CDC42SE2: variants seen among roughly 807,000 people sequenced by gnomAD.
The protein encoded by CDC42SE2 is CDC42 small effector protein 2.
CDC42SE2 carries 3 observed loss-of-function variants against 11.5 expected under a neutral mutation model. That is an observed-to-expected ratio of 0.26 (90% CI 0.12 to 0.67). CDC42SE2 has a LOEUF of 0.67. Ranked by LOEUF, CDC42SE2 falls within the 30% of genes least tolerant of loss-of-function variation. The pLI is 0.80. For synonymous variants in CDC42SE2, 33 were observed against 34.8 expected (o/e 0.95, Z 0.18); for missense variants, 82 against 106.8 (o/e 0.77, Z 1.02).
intron 3 of CDC42SE2, among the ~76,000 whole-genome samples, chr5:131,371,368 T>C (rs769253235): frequency 3.9e-5 from 6 of 152,242 alleles, no homozygotes; most frequent in Non-Finnish European, 5.9e-5. Flanking sequence ...TGATCTCTTA[T>C]CACCTTTGCA....
chr5:131,350,607 T>TGTG (rs1758982530), intron 2 of CDC42SE2, among the ~76,000 whole-genome samples: 2 of 141,694 alleles, frequency 1.4e-5, no homozygotes, highest in African/African-American at 5.5e-5. Context: ...AAAATTTATT[T>TGTG]TGTGTGTGTG....
chr5:131,351,432 T>G (rs1210563277), intron 2 of CDC42SE2, among the ~76,000 whole-genome samples: 1 of 152,132 alleles, frequency 6.6e-6, no homozygotes, highest in Non-Finnish European at 1.5e-5. Flanking sequence ...TTTTTTGTAT[T>G]TTTAGCAGAG....
chr5:131,282,680 G>C (rs951640596), intron 1 of CDC42SE2, among the ~76,000 whole-genome samples: 6 of 152,092 alleles, frequency 3.9e-5, no homozygotes, highest in Admixed American at 3.9e-4. Flanking sequence ...CTAGGCTGGA[G>C]TGCAGTGGCG....
At chr5:131,372,253 T>C (rs1750031451) in intron 3 of CDC42SE2, among the ~76,000 whole-genome samples, 11 of 152,228 alleles carry the variant, frequency 7.2e-5, no homozygotes, top group Admixed American at 7.2e-4. Context: ...AATGCCATTT[T>C]TTTGGCCTAC....
At chr5:131,291,135 G>A (rs1289765630) in intron 1 of CDC42SE2, among the ~76,000 whole-genome samples, 2 of 152,092 alleles carry the variant, frequency 1.3e-5, no homozygotes, top group African/African-American at 4.8e-5. Context: ...ATTTCTTAAT[G>A]CTATTTGGTT....
intron 1 of CDC42SE2, among the ~76,000 whole-genome samples, chr5:131,303,057 C>T (rs994229972): frequency 3.3e-5 from 5 of 152,132 alleles, no homozygotes; most frequent in Non-Finnish European, 5.9e-5. Context: ...CATTATTGCC[C>T]AGATGACTTT....
chr5:131,269,070 T>C (rs770357492), intron 1 of CDC42SE2, among the ~76,000 whole-genome samples: 4 of 152,080 alleles, frequency 2.6e-5, no homozygotes, highest in Non-Finnish European at 4.4e-5. Context: ...TTTTAAATTA[T>C]TAGTTTTATG....
At chr5:131,345,365 T>G (rs991514132) in intron 2 of CDC42SE2, among the ~76,000 whole-genome samples, 6 of 152,078 alleles carry the variant, frequency 3.9e-5, no homozygotes, top group Non-Finnish European at 8.8e-5. Context: ...ATGCACAAGC[T>G]TCAGTAGCTG....
At chr5:131,249,897 A>G (rs1756626774) in intron 1 of CDC42SE2, among the ~76,000 whole-genome samples, 1 of 152,160 alleles carries the variant, frequency 6.6e-6, no homozygotes, top group South Asian at 2.1e-4. Context: ...AAAAAAGAGC[A>G]TAGGGAGATA....
chr5:131,337,442 C>T (rs1758599736), intron 2 of CDC42SE2, among the ~76,000 whole-genome samples: 1 of 152,176 alleles, frequency 6.6e-6, no homozygotes, highest in African/African-American at 2.4e-5. Flanking sequence ...AGGCAGTCTG[C>T]CCGTTCTCAG....
At chr5:131,302,893 C>T (rs983116268) in intron 1 of CDC42SE2, among the ~76,000 whole-genome samples, 4 of 150,932 alleles carry the variant, frequency 2.7e-5, no homozygotes, top group Non-Finnish European at 4.4e-5. Context: ...TCCCCTTTAA[C>T]GTTTTTGCCT....
intron 2 of CDC42SE2, among the ~76,000 whole-genome samples, chr5:131,344,106 A>G (rs1376986153): frequency 3.3e-5 from 5 of 152,212 alleles, no homozygotes; most frequent in Admixed American, 2.6e-4. Flanking sequence ...TGAGCGACGC[A>G]GAAGAAGGGT....
At chr5:131,218,174 CAAAAA>C in the CDC42SE2 span, among the ~76,000 whole-genome samples, 1,118 of 74,770 alleles carry the variant, frequency 0.015, 10 homozygotes, top group African/African-American at 0.039. Flanking sequence ...GACCCTGTCT[CAAAAA>C]AAAAAAAAAA....
intron 2 of CDC42SE2, among the ~76,000 whole-genome samples, chr5:131,322,572 C>T (rs1482614057): frequency 6.6e-6 from 1 of 152,036 alleles, no homozygotes; most frequent in Admixed American, 6.6e-5. Context: ...GACTTGAAGT[C>T]GTGGGCTCAA....
chr5:131,237,235 G>T, the CDC42SE2 span, among the ~76,000 whole-genome samples: 11 of 152,096 alleles, frequency 7.2e-5, no homozygotes, highest in Admixed American at 7.2e-4. Context: ...AGTCTAAGAG[G>T]CAGACTGCCT....
intron 1 of CDC42SE2, among the ~76,000 whole-genome samples, chr5:131,252,812 T>C (rs1275170066): frequency 1.3e-5 from 2 of 152,234 alleles, no homozygotes; most frequent in African/African-American, 4.8e-5. Context: ...ATTTTATACA[T>C]GTTATTCTTC....
the CDC42SE2 span, among the ~76,000 whole-genome samples, chr5:131,217,239 C>A: frequency 6.6e-6 from 1 of 152,146 alleles, no homozygotes; most frequent in Non-Finnish European, 1.5e-5. Flanking sequence ...TACAGCAACA[C>A]GGTTGAGTAG....
At chr5:131,311,035 C>G (rs1757896646) in intron 1 of CDC42SE2, among the ~76,000 whole-genome samples, 1 of 150,596 alleles carries the variant, frequency 6.6e-6, no homozygotes, top group South Asian at 2.1e-4. Context: ...TCTTCCTAGT[C>G]TGGATGGTCT....
intron 2 of CDC42SE2, among the ~76,000 whole-genome samples, chr5:131,342,362 G>T (rs1320324831): frequency 1.4e-4 from 20 of 147,172 alleles, no homozygotes; most frequent in African/African-American, 5.2e-4. Context: ...AGAGGCACAG[G>T]TCAGAGATTT....
Sources: allele counts gnomAD v4.1 joint callset (sites outside exome capture counted in the v4.1 genomes callset), GRCh38; gene constraint gnomAD v4.1.1; transcripts MANE v1.5; gene names NCBI Gene and HGNC (gene_info 2026-07-23, HGNC 2026-07-21).